TAF3: variants seen among roughly 807,000 people sequenced by gnomAD.
The protein encoded by TAF3 is TATA-box binding protein associated factor 3, also known as transcription initiation factor TFIID subunit 3.
TAF3 carries 7 observed loss-of-function variants against 80.6 expected under a neutral mutation model. That is an observed-to-expected ratio of 0.09 (90% CI 0.05 to 0.16). TAF3 has a LOEUF of 0.16. Among genes scored for constraint, TAF3 ranks in the 10% least tolerant of loss-of-function variants. TAF3 has a pLI of 1.00. For missense variants in TAF3, 921 were observed against 1,140.2 expected (o/e 0.81, Z 2.77); for synonymous variants, 444 against 446.1 (o/e 1.00, Z 0.06).
chr10:7,940,120 AGTGGTGTGAAG>A (rs1837963265), intron 2 of TAF3, among the ~76,000 whole-genome samples: 2 of 152,234 alleles, frequency 1.3e-5, no homozygotes, highest in African/African-American at 4.8e-5. Context: ...ATGAAGGAGC[AGTGGTGTGAAG>A]GTTAGAAGAT....
At chr10:8,013,882 T>C (rs771302948) in intron 6 of TAF3, 45 bp downstream of exon 6, 1 of 1,519,370 alleles carries the variant, frequency 6.6e-7, no homozygotes, top group East Asian at 2.3e-5. Flanking sequence ...TTAGGCAGCA[T>C]CAGCCGCTCC....
chr10:7,961,614 A>G (rs527291143), intron 2 of TAF3, among the ~76,000 whole-genome samples: 1 of 152,094 alleles, frequency 6.6e-6, no homozygotes, highest in East Asian at 1.9e-4. Context: ...CCTTGTTCAT[A>G]TCATCCATCA....
chr10:7,843,480 C>T (rs192484492), intron 2 of TAF3, among the ~76,000 whole-genome samples: 45 of 152,270 alleles, frequency 3.0e-4, no homozygotes, highest in Admixed American at 1.9e-3. Context: ...TAGTCATCTA[C>T]AGGTTTAAGT....
intron 2 of TAF3, among the ~76,000 whole-genome samples, chr10:7,913,224 C>G (rs1267584937): frequency 1.3e-5 from 2 of 152,122 alleles, no homozygotes; most frequent in Non-Finnish European, 2.9e-5. Flanking sequence ...TACAGGCACA[C>G]AGGGGGCTAG....
At chr10:7,825,793 G>T (rs945516109) in intron 2 of TAF3, among the ~76,000 whole-genome samples, 1 of 152,098 alleles carries the variant, frequency 6.6e-6, no homozygotes, top group South Asian at 2.1e-4. Flanking sequence ...GATTAATGCC[G>T]CTATGAACAT....
intron 3 of TAF3, among the ~76,000 whole-genome samples, chr10:7,971,009 G>A (rs933410417): frequency 6.6e-6 from 1 of 152,066 alleles, no homozygotes; most frequent in Non-Finnish European, 1.5e-5. Flanking sequence ...TCTCATAACT[G>A]TATGTTCCAA....
chr10:7,822,108 A>G (rs1171649525), intron 1 of TAF3, among the ~76,000 whole-genome samples: 1 of 152,194 alleles, frequency 6.6e-6, no homozygotes, highest in Non-Finnish European at 1.5e-5. Flanking sequence ...GGGGAATAGT[A>G]TGATTAAAGT....
intron 2 of TAF3, among the ~76,000 whole-genome samples, chr10:7,886,025 C>T (rs1384427072): frequency 1.3e-5 from 2 of 152,048 alleles, no homozygotes; most frequent in African/African-American, 4.8e-5. Flanking sequence ...ACCTCCTGGG[C>T]CCAAGTGATC....
At chr10:7,931,166 G>A (rs1001706801) in intron 2 of TAF3, among the ~76,000 whole-genome samples, 1 of 152,150 alleles carries the variant, frequency 6.6e-6, no homozygotes, top group East Asian at 1.9e-4. Context: ...TGCATCGAGT[G>A]TTTAATATGT....
chr10:7,899,179 T>C (rs1837535628), intron 2 of TAF3, among the ~76,000 whole-genome samples: 1 of 152,216 alleles, frequency 6.6e-6, no homozygotes, highest in African/African-American at 2.4e-5. Context: ...TTTTCGATCC[T>C]GGGCCTCACC....
At chr10:7,930,710 G>A (rs1837860380) in intron 2 of TAF3, among the ~76,000 whole-genome samples, 1 of 152,002 alleles carries the variant, frequency 6.6e-6, no homozygotes, top group African/African-American at 2.4e-5. Flanking sequence ...ATAGAATCCA[G>A]GTGAGAAAAT....
intron 4 of TAF3, among the ~76,000 whole-genome samples, chr10:7,994,977 G>GAAAAAAAA (rs71287400): frequency 5.2e-3 from 506 of 97,168 alleles, no homozygotes; most frequent in Middle Eastern, 0.014. Flanking sequence ...CTCAAAAAAA[G>GAAAAAAAA]AAAAAAAAAA....
At chr10:7,905,442 T>C (rs1209839471) in intron 2 of TAF3, among the ~76,000 whole-genome samples, 2 of 152,226 alleles carry the variant, frequency 1.3e-5, no homozygotes, top group Admixed American at 1.3e-4. Context: ...AAGTAATTAT[T>C]GCTATTCAAC....
intron 2 of TAF3, among the ~76,000 whole-genome samples, chr10:7,920,056 G>C (rs1278390779): frequency 6.6e-6 from 1 of 151,740 alleles, no homozygotes; most frequent in Non-Finnish European, 1.5e-5. Context: ...GACCAGCCTG[G>C]GCAACGTAGG....
At chr10:8,002,702 A>G (rs1039738306) in intron 4 of TAF3, among the ~76,000 whole-genome samples, 2 of 152,110 alleles carry the variant, frequency 1.3e-5, no homozygotes, top group African/African-American at 4.8e-5. Context: ...CATAGAGTCA[A>G]TTTCATTATT....
intron 4 of TAF3, among the ~76,000 whole-genome samples, chr10:8,001,919 T>C (rs1264636073): frequency 6.6e-6 from 1 of 152,176 alleles, no homozygotes; most frequent in Non-Finnish European, 1.5e-5. Flanking sequence ...ACAAACATTT[T>C]CCACTATAAC....
intron 2 of TAF3, among the ~76,000 whole-genome samples, chr10:7,957,691 A>T (rs1294743911): frequency 6.6e-6 from 1 of 152,080 alleles, no homozygotes; most frequent in African/African-American, 2.4e-5. Flanking sequence ...CCCGTTTCAG[A>T]ACACTAAAAT....
chr10:7,994,706 T>C (rs1831867522), intron 4 of TAF3, among the ~76,000 whole-genome samples: 2 of 151,434 alleles, frequency 1.3e-5, no homozygotes, highest in Non-Finnish European at 2.9e-5. Flanking sequence ...GGCCCACGCC[T>C]GTGATCCCAG....
Position 7,873,629 on chromosome 10 carries a change from C to CCT in TAF3, c.409+49069_409+49070insCT, listed in dbSNP as rs373179493. On this transcript the variant is annotated intron_variant, in intron 2 of 6. Transcript: ENST00000344293. Reference sequence around the variant, plus strand: ...GACATCCGAGTTCTCCCCCCCCCCCCGTCAAAAGGGGGTGTCGAATTTGAG... The same window carrying CCT: ...GACATCCGAGTTCTCCCCCCCCCCCCCTGTCAAAAGGGGGTGTCGAATTTGAG... Among the ~76,000 whole-genome samples the CCT allele has an allele frequency of 1.4e-3, 207 of 143,280 alleles. 9 individuals carry two copies. The highest frequency in any genetic ancestry group is 3.4e-3 in the South Asian group (15 of 4,426). 94.0% of individuals were successfully genotyped at this position (143,280 alleles called of 152,430 possible).
Sources: allele counts gnomAD v4.1 joint callset (sites outside exome capture counted in the v4.1 genomes callset), GRCh38; gene constraint gnomAD v4.1.1; transcripts MANE v1.5; gene names NCBI Gene and HGNC (gene_info 2026-07-23, HGNC 2026-07-21).